SCARB1: variants seen among roughly 807,000 people sequenced by gnomAD.
The protein encoded by SCARB1 is scavenger receptor class B member 1.
Under a neutral mutation model 57.2 loss-of-function variants are expected in SCARB1, and 30 were observed. The observed-to-expected ratio is 0.52, with a 90% CI of 0.39 to 0.71. The LOEUF (loss-of-function observed/expected upper bound fraction) is 0.71. SCARB1 is among the 30% of genes least tolerant of loss of function. The pLI, the probability that SCARB1 is intolerant of heterozygous loss-of-function variation, is 0.00. For missense variants in SCARB1, 543 were observed against 671.2 expected (o/e 0.81, Z 2.11); for synonymous variants, 249 against 268.3 (o/e 0.93, Z 0.70).
At chr12:124,825,984 G>A (rs921018798) in intron 1 of SCARB1, among the ~76,000 whole-genome samples, 2 of 152,008 alleles carry the variant, frequency 1.3e-5, no homozygotes, top group African/African-American at 2.4e-5. Context: ...TGCACAACAC[G>A]AGGACTGTGA....
Position 124,814,071 on chromosome 12 carries a change from A to G in SCARB1, c.630+131T>C. The G allele has an allele frequency of 1.2e-6, 1 of 853,024 alleles. No homozygotes were observed. The allele number at this position is 853,024 out of a possible 1,614,324, so 52.8% of individuals were successfully genotyped here. ...TCAAGCCGGTTTGAGTCAGGTTCTC[A>G]GTCACTTACAACCCACAGCCACTAG... On this transcript the variant is annotated intron_variant, in intron 4 of 12. Transcript: ENST00000261693. This position sits in a 1 kb window ranked among gnomAD's most constrained non-coding sequence, Gnocchi z 4.7.
intron 1 of SCARB1, chr12:124,862,356 A>G (rs549816093): frequency 6.6e-6 from 1 of 152,330 alleles, no homozygotes; most frequent in South Asian, 2.1e-4. Flanking sequence ...CAACGTGGCT[A>G]AGATGCCCTA....
chr12:124,801,147 C>T (rs1199422790), intron 7 of SCARB1, among the ~76,000 whole-genome samples: 1 of 152,110 alleles, frequency 6.6e-6, no homozygotes, highest in African/African-American at 2.4e-5. Context: ...TACAGTGAGC[C>T]GTGACCGTGC....
rs574832117 is a variant in SCARB1, at chr12:124,817,050, A to G, written c.284+500T>C. Among the ~76,000 whole-genome samples the G allele has an allele frequency of 0.016, 2,118 of 133,732 alleles. 48 individuals carry two copies. The highest frequency in any genetic ancestry group is 0.056 in the African/African-American group (1,929 of 34,252). 87.7% of individuals were successfully genotyped at this position (133,732 alleles called of 152,430 possible). ...TGTGTGTGTGTGTGTGTGTGTGTGT[A>G]TGTGTGTATGCATGTGTAGGTACAT... On this transcript the variant is annotated intron_variant, in intron 2 of 12. Transcript: ENST00000261693. This position sits in a 1 kb window ranked among gnomAD's most constrained non-coding sequence, Gnocchi z 4.8.
At position 124,858,956 on chromosome 12, in the gene SCARB1, C is replaced by G. The variant is rs192028374; in HGVS notation, c.126+4639G>C. On this transcript the variant is annotated intron_variant, in intron 1 of 12. Transcript: ENST00000261693. ...GTGGCACAAACACAGCTCACTGCAG[C>G]CTCGAGCTCCTGGGCTCAAGATATC... 9.2e-3 allele frequency among the ~76,000 whole-genome samples: 1,401 copies of G among 152,268 alleles called. 13 individuals carry two copies. The highest frequency in any genetic ancestry group is 0.023 in the African/African-American group (957 of 41,544).
At position 124,795,255 on chromosome 12, in the gene SCARB1, G is replaced by C; in HGVS notation, c.1142C>G (p.Pro381Arg). The change falls in exon 9 of 13, where the codon CCC (proline) becomes CGC (arginine). Residue 381 changes from proline to arginine, a missense_variant. Physicochemically the swap from Pro to Arg is moderately radical, Grantham distance 103 (BLOSUM62 -2). Transcript: ENST00000261693. ...CTGCAGTTTCACAGAGCAGTTCATG[G>C]GGATTCCCGTGACCTGCGGCAACAA... ...FLDIHPVTGI[P>R]MNCSVKLQLS... 2 of 1,613,912 alleles carry C rather than the reference G, an allele frequency of 1.2e-6. No homozygotes were observed. The highest frequency in any genetic ancestry group is 1.7e-6 in the Non-Finnish European group (2 of 1,179,860).
At chr12:124,834,748 A>T (rs1951561080) in intron 1 of SCARB1, among the ~76,000 whole-genome samples, 1 of 152,002 alleles carries the variant, frequency 6.6e-6, no homozygotes, top group Admixed American at 6.6e-5. Flanking sequence ...CTAGAACAAA[A>T]TTTTTTTACA....
chr12:124,806,985 G>A (rs1161597521), intron 7 of SCARB1, among the ~76,000 whole-genome samples: 5 of 152,000 alleles, frequency 3.3e-5, no homozygotes, highest in African/African-American at 1.2e-4. Context: ...GATCACTTGA[G>A]GTCAGGAGTT....
At chr12:124,801,602 G>A (rs1023056540) in intron 7 of SCARB1, among the ~76,000 whole-genome samples, 11 of 152,098 alleles carry the variant, frequency 7.2e-5, no homozygotes, top group African/African-American at 2.7e-4. Flanking sequence ...GGGCAACATG[G>A]TGAGACCCCG....
chr12:124,812,094 T>C lies in SCARB1; in HGVS notation c.631-129A>G. The C allele has an allele frequency of 5.4e-6, 4 of 734,138 alleles. No individual in the cohort carries two copies. The Admixed American group carries it at 6.1e-5, about 11-fold the overall frequency. The allele number at this position is 734,138 out of a possible 1,614,324, so 45.5% of individuals were successfully genotyped here. A position where few individuals can be genotyped will look rare whatever the true frequency, so the allele number is the denominator to read the frequency against. ...ACAGGGCCCCCAGCATCTGGTTCAC[T>C]GCCAAATGCCCAGTGTCTGGGGACC... On this transcript the variant is annotated intron_variant, in intron 4 of 12. Coordinates refer to ENST00000261693, the MANE Select transcript of SCARB1 (RefSeq NM_005505.5). This position sits in a 1 kb window ranked among gnomAD's most constrained non-coding sequence, Gnocchi z 4.3.
At chr12:124,837,585 AAAG>A (rs1172684441) in intron 1 of SCARB1, among the ~76,000 whole-genome samples, 1 of 7,248 alleles carries the variant, frequency 1.4e-4, no homozygotes, top group Non-Finnish European at 6.5e-3. Flanking sequence ...AAAGAAAAGA[AAAG>A]AAAAGAAAAG....
chr12:124,788,174 C>T (rs1464494197), intron 9 of SCARB1, among the ~76,000 whole-genome samples: 1 of 152,152 alleles, frequency 6.6e-6, no homozygotes, highest in African/African-American at 2.4e-5. Flanking sequence ...TTTCGATGTG[C>T]TGCCAGAAGG....
chr12:124,803,802 T>A (rs1950228118), intron 7 of SCARB1, among the ~76,000 whole-genome samples: 1 of 147,516 alleles, frequency 6.8e-6, no homozygotes, highest in Non-Finnish European at 1.5e-5. Context: ...GGAGAATCAT[T>A]TGTGCCCAGG....
chr12:124,831,881 G>A (rs965181984), intron 1 of SCARB1, among the ~76,000 whole-genome samples: 2 of 152,188 alleles, frequency 1.3e-5, no homozygotes, highest in Non-Finnish European at 2.9e-5. Context: ...ACAAATCCCA[G>A]CAGAGGGGCG....
chr12:124,839,146 A>G (rs1204150114), intron 1 of SCARB1: 1 of 434,882 alleles, frequency 2.3e-6, no homozygotes, highest in Non-Finnish European at 4.6e-6. Context: ...ATTATCAGCA[A>G]CATCCATCTA....
intron 1 of SCARB1, among the ~76,000 whole-genome samples, chr12:124,843,173 C>T (rs1951977043): frequency 6.6e-6 from 1 of 152,116 alleles, no homozygotes; most frequent in African/African-American, 2.4e-5. Flanking sequence ...TTTTTAATGC[C>T]AGCCAGGGCT....
chr12:124,794,483 C>T (rs1949864594), intron 9 of SCARB1, among the ~76,000 whole-genome samples: 1 of 148,374 alleles, frequency 6.7e-6, no homozygotes, highest in Admixed American at 6.8e-5. Context: ...TCACTGCAAG[C>T]TCCGCCTCCC....
At chr12:124,831,606 G>C (rs58431576) in intron 1 of SCARB1, among the ~76,000 whole-genome samples, 1 of 151,920 alleles carries the variant, frequency 6.6e-6, no homozygotes, top group African/African-American at 2.4e-5. Flanking sequence ...CTGGAGAGAC[G>C]TGAGAGGTCT....
chr12:124,855,860 G>A (rs1594403928), intron 1 of SCARB1, among the ~76,000 whole-genome samples: 1 of 152,140 alleles, frequency 6.6e-6, no homozygotes, highest in Non-Finnish European at 1.5e-5. Context: ...CAGGACCCAC[G>A]AATGACAGTG....
Sources: gnomAD v4.1 joint callset for allele counts (sites outside exome capture counted in the v4.1 genomes callset) on GRCh38, gnomAD v4.1.1 for gene constraint, Gnocchi (gnomAD v3.1) non-coding constraint, MANE v1.5 for transcripts, NCBI Gene and HGNC (gene_info 2026-07-23, HGNC 2026-07-21) for gene names.